Variants in RGS7 observed in about 807,000 individuals in gnomAD.
RGS7 encodes regulator of G-protein signaling 7.
Under a neutral mutation model 81.1 loss-of-function variants are expected in RGS7, and 27 were observed. The ratio of observed to expected loss-of-function variants is 0.33; its 90% CI spans 0.25 to 0.46. RGS7 has a LOEUF of 0.46. Ranked by LOEUF, RGS7 falls within the 20% of genes least tolerant of loss-of-function variation. RGS7 has a pLI of 1.00. For missense variants in RGS7, 396 were observed against 607.4 expected (o/e 0.65, Z 3.66); for synonymous variants, 208 against 207.7 (o/e 1.00, Z -0.01).
At chr1:240,974,740 G>A (rs1171751708) in intron 4 of RGS7, among the ~76,000 whole-genome samples, 1 of 152,174 alleles carries the variant, frequency 6.6e-6, no homozygotes, top group Admixed American at 6.5e-5. Flanking sequence ...TAGTATAAAA[G>A]TTGTATGCAT....
intron 6 of RGS7, among the ~76,000 whole-genome samples, chr1:240,902,141 A>G (rs957905484): frequency 1.3e-5 from 2 of 152,230 alleles, no homozygotes; most frequent in Non-Finnish European, 2.9e-5. Context: ...GTTGAAAACT[A>G]TTTCAAATGC....
chr1:240,868,590 G>A lies in RGS7; in HGVS notation c.606C>T (p.Pro202=), dbSNP rs1202031655. The A allele has an allele frequency of 2.4e-5, 38 of 1,613,788 alleles. No individual in the cohort carries two copies. The Admixed American group carries it at 4.0e-4, about 17-fold the overall frequency. The change falls in exon 9 of 19, where the codon CCC becomes CCT. Residue 202 remains proline (P), a synonymous_variant. Coordinates refer to ENST00000440928, the MANE Select transcript of RGS7 (RefSeq NM_001364886.1). The surrounding 1 kb of genome is among the most constrained non-coding windows in gnomAD (Gnocchi z 5.1). ...CGAGAGTGCGACGCTTGCTTACCAC[G>A]GGCCTGTGCACGTCCCAGAACGCTC... The part of the protein sequence containing the change: ...QERAFWDVHR[P]VPGCVNTTEV...
chr1:240,819,098 T>C (rs1025464867), intron 10 of RGS7, among the ~76,000 whole-genome samples: 6 of 152,224 alleles, frequency 3.9e-5, no homozygotes, highest in Non-Finnish European at 7.3e-5. Flanking sequence ...AATTATATAA[T>C]AGTTCTACCT....
intron 2 of RGS7, among the ~76,000 whole-genome samples, chr1:241,287,613 C>A (rs2078888371): frequency 6.6e-6 from 1 of 152,104 alleles, no homozygotes; most frequent in Non-Finnish European, 1.5e-5. Flanking sequence ...CCTGGATCTA[C>A]TTTTCCCGGT....
At chr1:240,904,211 T>C (rs1670465211) in intron 6 of RGS7, among the ~76,000 whole-genome samples, 3 of 152,170 alleles carry the variant, frequency 2.0e-5, no homozygotes, top group Admixed American at 2.0e-4. Flanking sequence ...ATAAAATTTA[T>C]TGAAAATTTA....
chr1:240,940,688 A>G (rs1253431989), intron 4 of RGS7, among the ~76,000 whole-genome samples: 4 of 152,206 alleles, frequency 2.6e-5, no homozygotes, highest in African/African-American at 9.6e-5. Context: ...TAAGCATAGG[A>G]AAGAGTGTGA....
intron 3 of RGS7, among the ~76,000 whole-genome samples, chr1:241,089,948 C>T (rs530485422): frequency 4.5e-4 from 66 of 146,166 alleles, no homozygotes; most frequent in African/African-American, 1.6e-3. Context: ...GAGCCGAGAT[C>T]GCGCCACTGC....
rs555881348 is a variant in RGS7, at chr1:240,950,177, G to A, written c.227-13471C>T. ...GAACTAGCTTGACAATAAGGAACTCGAGGGGCTCATAGTGTTGGTGGGGAA... is the reference window on the plus strand; with the variant it reads ...GAACTAGCTTGACAATAAGGAACTCAAGGGGCTCATAGTGTTGGTGGGGAA... On this transcript the variant is annotated intron_variant, in intron 4 of 18. Transcript: ENST00000440928. Among the ~76,000 whole-genome samples the A allele has an allele frequency of 4.6e-5, 7 of 152,264 alleles. No homozygotes were observed. In the East Asian group the frequency reaches 1.2e-3, roughly 25 times the overall value.
intron 3 of RGS7, among the ~76,000 whole-genome samples, chr1:241,002,253 C>T (rs1382011065): frequency 6.6e-6 from 1 of 151,780 alleles, no homozygotes. Flanking sequence ...TTCAGACCAG[C>T]CTGACCAAGA....
intron 3 of RGS7, among the ~76,000 whole-genome samples, chr1:241,007,638 G>C (rs2058740040): frequency 6.6e-6 from 1 of 152,172 alleles, no homozygotes; most frequent in South Asian, 2.1e-4. Flanking sequence ...TAAAAGCGTG[G>C]TATGAGTATG....
intron 2 of RGS7, among the ~76,000 whole-genome samples, chr1:241,146,076 G>C (rs1474638017): frequency 6.6e-6 from 1 of 152,168 alleles, no homozygotes; most frequent in Non-Finnish European, 1.5e-5. Context: ...TCTGTGGAGA[G>C]TGGGGGTGGC....
intron 4 of RGS7, among the ~76,000 whole-genome samples, chr1:240,967,650 C>T (rs1409830658): frequency 1.3e-5 from 2 of 151,026 alleles, no homozygotes; most frequent in South Asian, 2.1e-4. Flanking sequence ...TACTGGTTCA[C>T]GAGAGGCCCG....
intron 2 of RGS7, among the ~76,000 whole-genome samples, chr1:241,304,417 T>C (rs115340212): frequency 3.1e-3 from 465 of 152,210 alleles, no homozygotes; most frequent in African/African-American, 0.011. Flanking sequence ...AAGGACTGAG[T>C]TGACGCACAG....
intron 15 of RGS7, among the ~76,000 whole-genome samples, chr1:240,805,026 A>G (rs1291459739): frequency 6.6e-6 from 1 of 152,174 alleles, no homozygotes; most frequent in African/African-American, 2.4e-5. Flanking sequence ...TCTTCTCCAA[A>G]AGAAGTTTAA....
chr1:241,241,302 T>C (rs1006904479), intron 2 of RGS7, among the ~76,000 whole-genome samples: 7 of 152,022 alleles, frequency 4.6e-5, no homozygotes, highest in Non-Finnish European at 1.0e-4. Flanking sequence ...ATGACTACTA[T>C]TAGGTTGGTG....
Position 240,806,131 on chromosome 1 carries a change from T to A in RGS7, c.1269+9A>T, listed in dbSNP as rs757796018. The A allele has an allele frequency of 1.9e-6, 3 of 1,612,164 alleles. No homozygotes were observed. Among genetic ancestry groups the A allele is most frequent in the South Asian group, 2.2e-5 (2 of 91,030 alleles). ...CACGTTTGTGGTGTGAGGCTCACCG[T>A]ACACCCACCTGAGCATCTTCAAATG... On this transcript the variant is annotated intron_variant, in intron 15 of 18. Transcript: ENST00000440928.
Position 241,272,142 on chromosome 1 carries a change from C to A in RGS7, c.78+83557G>T, listed in dbSNP as rs369316554. On this transcript the variant is annotated intron_variant, in intron 2 of 18. Transcript: ENST00000440928. ...CCAAGTAGCTGGGACTACAGGCACCCGCCACCACGCCTGGCTAATTTTTTG... is the reference window on the plus strand; with the variant it reads ...CCAAGTAGCTGGGACTACAGGCACCAGCCACCACGCCTGGCTAATTTTTTG... Among the ~76,000 whole-genome samples, 159 of 152,002 alleles carry A rather than the reference C, an allele frequency of 1.0e-3. 1 individual carries two copies. Among genetic ancestry groups the A allele is most frequent in the Middle Eastern group, 3.4e-3 (1 of 294 alleles).
chr1:241,048,119 T>G (rs1434758265), intron 3 of RGS7, among the ~76,000 whole-genome samples: 1 of 151,926 alleles, frequency 6.6e-6, no homozygotes, highest in African/African-American at 2.4e-5. Context: ...ATTACCAAGT[T>G]TAAAAGGAAA....
chr1:241,282,931 T>A (rs1186334064), intron 2 of RGS7, among the ~76,000 whole-genome samples: 1 of 152,204 alleles, frequency 6.6e-6, no homozygotes, highest in Non-Finnish European at 1.5e-5. Context: ...CTTATCATTA[T>A]ATTTGAAGTC....
Sources: allele counts gnomAD v4.1 joint callset (sites outside exome capture counted in the v4.1 genomes callset), GRCh38; gene constraint gnomAD v4.1.1; non-coding constraint Gnocchi (gnomAD v3.1); transcripts MANE v1.5; gene names NCBI Gene and HGNC (gene_info 2026-07-23, HGNC 2026-07-21).